The following RNF38 variants were observed in gnomAD, a reference collection of about 807,000 sequenced individuals.
RNF38 encodes the protein ring finger protein 38.
Under a neutral mutation model 67.2 loss-of-function variants are expected in RNF38, and 15 were observed. The observed-to-expected ratio is 0.22, with a 90% confidence interval of 0.15 to 0.34. RNF38 has a LOEUF of 0.34. Among genes scored for constraint, RNF38 ranks in the 10% least tolerant of loss-of-function variants. The pLI, the probability that RNF38 is intolerant of heterozygous loss-of-function variation, is 1.00. For missense variants in RNF38, 524 were observed against 639.9 expected, an observed-to-expected ratio of 0.82 and a Z score of 1.95; for synonymous variants, 220 against 218.8, an observed-to-expected ratio of 1.01 and a Z score of -0.05.
intron 3 of RNF38, among the ~76,000 whole-genome samples, chr9:36,374,777 G>A (rs754626876): frequency 1.6e-4 from 24 of 152,232 alleles, no homozygotes; most frequent in Non-Finnish European, 3.2e-4. Flanking sequence ...CCACCCCGGC[G>A]CATTGCTTCT....
intron 1 of RNF38, among the ~76,000 whole-genome samples, chr9:36,444,988 G>C (rs1839269772): frequency 7.1e-6 from 1 of 139,890 alleles, no homozygotes; most frequent in Non-Finnish European, 1.5e-5. Context: ...CTATCCCTCA[G>C]ACCCAAACAA....
intron 2 of RNF38, among the ~76,000 whole-genome samples, chr9:36,416,742 ATTTTTTT>A (rs386414907): frequency 6.1e-4 from 39 of 63,496 alleles, no homozygotes; most frequent in East Asian, 3.9e-3. Flanking sequence ...CTGCCTCGAT[ATTTTTTT>A]TTTTTTTTTT....
At chr9:36,440,518 C>T (rs185010011) in intron 1 of RNF38, among the ~76,000 whole-genome samples, 153 of 147,238 alleles carry the variant, frequency 1.0e-3, no homozygotes, top group Non-Finnish European at 1.5e-3. Context: ...GCAACAAGAG[C>T]GAAACTCCAT....
intron 2 of RNF38, among the ~76,000 whole-genome samples, chr9:36,415,580 G>A (rs111938718): frequency 2.0e-5 from 3 of 152,264 alleles, no homozygotes; most frequent in African/African-American, 7.2e-5. Flanking sequence ...TACAGTGATT[G>A]TTGCTGCTCT....
chr9:36,452,689 T>C (rs1044004012), intron 1 of RNF38, among the ~76,000 whole-genome samples: 3 of 152,048 alleles, frequency 2.0e-5, no homozygotes, highest in African/African-American at 7.2e-5. Flanking sequence ...TGCGCCACCA[T>C]GCCCAGCTAA....
At chr9:36,414,437 C>T (rs1037296692) in intron 2 of RNF38, among the ~76,000 whole-genome samples, 3 of 152,102 alleles carry the variant, frequency 2.0e-5, no homozygotes, top group Non-Finnish European at 2.9e-5. Flanking sequence ...TTCATCCCAG[C>T]ACTTTGGGAG....
intron 1 of RNF38, among the ~76,000 whole-genome samples, chr9:36,465,942 C>T (rs999714879): frequency 1.3e-5 from 2 of 152,102 alleles, no homozygotes; most frequent in African/African-American, 4.8e-5. Flanking sequence ...GTCCCAGCTA[C>T]TCAGGAGGCT....
chr9:36,424,086 G>T (rs1239849554), intron 2 of RNF38, among the ~76,000 whole-genome samples: 1 of 151,964 alleles, frequency 6.6e-6, no homozygotes, highest in Non-Finnish European at 1.5e-5. Context: ...ATACATATCA[G>T]GCCCAAAGTA....
At chr9:36,354,103 A>T (rs1256064050) in intron 6 of RNF38, among the ~76,000 whole-genome samples, 1 of 152,250 alleles carries the variant, frequency 6.6e-6, no homozygotes, top group South Asian at 2.1e-4. Context: ...ACCACTATCT[A>T]GTTCCAGAAC....
At chr9:36,477,421 A>T (rs1840146091) in intron 1 of RNF38, among the ~76,000 whole-genome samples, 1 of 152,076 alleles carries the variant, frequency 6.6e-6, no homozygotes, top group Non-Finnish European at 1.5e-5. Context: ...CATGCCTATA[A>T]TCCCAGCACT....
chr9:36,396,799 C>T (rs1837542134), intron 1 of RNF38, among the ~76,000 whole-genome samples: 1 of 151,488 alleles, frequency 6.6e-6, no homozygotes, highest in South Asian at 2.1e-4. Flanking sequence ...AAAAAAAAAT[C>T]GAGAGCCTGG....
chr9:36,357,918 A>G lies in RNF38; in HGVS notation c.595T>C (p.Ser199Pro). The G allele has an allele frequency of 6.2e-7, 1 of 1,613,852 alleles. No homozygotes were observed. Among genetic ancestry groups the G allele is most frequent in the East Asian group, 2.2e-5 (1 of 44,882 alleles). Residue 199 changes from serine to proline, a missense_variant, in exon 5 of 12, where the codon TCT (serine) becomes CCT (proline). Around this residue, in one of 2 missense-constraint regions of RNF38, gnomAD observed 461 missense variants for 517.4 expected, o/e 0.89. Coordinates refer to ENST00000259605, the MANE Select transcript of RNF38 (RefSeq NM_022781.5). ...DQLHQGTVPV[S>P]YTVTTVAPHG... ...GGTGCCACTGTTGTTACTGTGTAAGAAACAGGGACTGTTCCTTGATGGAGC... is the reference window on the plus strand; with the variant it reads ...GGTGCCACTGTTGTTACTGTGTAAGGAACAGGGACTGTTCCTTGATGGAGC...
intron 2 of RNF38, among the ~76,000 whole-genome samples, chr9:36,424,034 C>T (rs1439533207): frequency 2.6e-5 from 4 of 151,258 alleles, no homozygotes; most frequent in Non-Finnish European, 5.9e-5. Context: ...GCAAAAAACA[C>T]AATGAAACCA....
In RNF38 at chr9:36,479,134, A is replaced by G. The variant is rs367993724; in HGVS notation, n.241+8174T>C. Among the ~76,000 whole-genome samples, 19 of 152,280 alleles carry G rather than the reference A, an allele frequency of 1.2e-4. No homozygotes were observed. The East Asian group carries it at 1.7e-3, about 14-fold the overall frequency. On this transcript the variant is annotated intron_variant and non_coding_transcript_variant, in intron 1 of 3. Transcript: ENST00000488058. The stretch of plus-strand genomic sequence containing the variant: ...TATCCACTTTTGGTACTGTCTCCAG[A>G]TGATTTTTAATCCCTGCCTGACTTC...
rs1832478373 is a variant in RNF38 at position 36,336,857 on chromosome 9, TTTCAGATAGTATA to T, written c.*2882_*2894del. ...AATTTAAGAATCTTAACAAATCACA[TTTCAGATAGTATA>T]TAAAATCTAAATATGCTTTCACATT... On this transcript the variant is annotated 3_prime_UTR_variant, in exon 12 of 12. Transcript: ENST00000259605. 6.6e-6 allele frequency: 1 copy of T among 152,284 alleles called. No homozygotes were observed. Among genetic ancestry groups the T allele is most frequent in the Admixed American group, 6.5e-5 (1 of 15,274 alleles). The allele number at this position is 152,284 out of a possible 1,614,324, so 9.4% of individuals were successfully genotyped here. A position where few individuals can be genotyped will look rare whatever the true frequency, so the allele number is the denominator to read the frequency against.
Position 36,339,707 on chromosome 9 carries a change from A to G in RNF38, c.*45T>C, listed in dbSNP as rs747039180. ...AGTTCAATGGATAGTCCGTATATAC[A>G]TGTGATGAGGAACACCCAAACTAAA... is the stretch of plus-strand genomic sequence containing the variant. On this transcript the variant is annotated 3_prime_UTR_variant, in exon 12 of 12. Transcript: ENST00000259605. 4.5e-5 allele frequency: 66 copies of G among 1,469,666 alleles called. No individual in the cohort carries two copies. The highest frequency in any genetic ancestry group is 5.8e-5 in the Non-Finnish European group (61 of 1,054,304). 91.0% of individuals were successfully genotyped at this position (1,469,666 alleles called of 1,614,324 possible). A position where few individuals can be genotyped will look rare whatever the true frequency, so the allele number is the denominator to read the frequency against.
chr9:36,402,496 A>T, upstream of RNF38, among the ~76,000 whole-genome samples: 1 of 23,922 alleles, frequency 4.2e-5, no homozygotes, highest in South Asian at 1.2e-3. Context: ...TCTAAGCTTA[A>T]AAAAAAAAAA....
intron 6 of RNF38, among the ~76,000 whole-genome samples, chr9:36,354,549 T>A (rs1833950655): frequency 6.6e-6 from 1 of 152,244 alleles, no homozygotes. Context: ...GTCTACCTTC[T>A]CTGCTTAACA....
chr9:36,482,068 T>TA, intron 1 of RNF38, among the ~76,000 whole-genome samples: 1 of 150,850 alleles, frequency 6.6e-6, no homozygotes, highest in Admixed American at 6.6e-5. Flanking sequence ...TTTTTTTTTT[T>TA]TTGAGACGAA....
Sources: gnomAD v4.1 joint callset for allele counts (sites outside exome capture counted in the v4.1 genomes callset) on GRCh38, gnomAD v4.1.1 for gene constraint, gnomAD v4.1.1 regional missense constraint, MANE v1.5 for transcripts, NCBI Gene and HGNC (gene_info 2026-07-23, HGNC 2026-07-21) for gene names.